Variants in CUL3 observed in about 807,000 individuals in gnomAD.
CUL3 encodes the protein cullin-3.
Under a neutral mutation model 89.1 loss-of-function variants are expected in CUL3, and 19 were observed. That is an observed-to-expected ratio of 0.21 (90% CI 0.15 to 0.31). CUL3 has a LOEUF of 0.31. CUL3 is among the 10% of genes least tolerant of loss of function. The pLI, the probability that CUL3 is intolerant of heterozygous loss-of-function variation, is 1.00. For missense variants in CUL3, 469 were observed against 942.3 expected, an observed-to-expected ratio of 0.50 and a Z score of 6.58; for synonymous variants, 351 against 308.4, an observed-to-expected ratio of 1.14 and a Z score of -1.45.
In CUL3 at chr2:224,473,083, CGAT is replaced by C. The variant is rs1691187586; in HGVS notation, c.*1159_*1161del. ...AAAGCACATGTTTGAAAACGTGAAACGATGACTCTTTGGAGGACAATAGCTAAA... is the reference window on the plus strand; with the variant it reads ...AAAGCACATGTTTGAAAACGTGAAACGACTCTTTGGAGGACAATAGCTAAA... On this transcript the variant is annotated 3_prime_UTR_variant, in exon 16 of 16. Transcript: ENST00000264414. 1.5e-5 allele frequency: 3 copies of C among 201,780 alleles called. No individual in the cohort carries two copies. The East Asian group carries it at 2.3e-4, about 16-fold the overall frequency. 12.5% of individuals were successfully genotyped at this position (201,780 alleles called of 1,614,324 possible). A position where few individuals can be genotyped will look rare whatever the true frequency, so the allele number is the denominator to read the frequency against.
At chr2:224,545,516 TCTTTG>T (rs757423345) in intron 2 of CUL3, among the ~76,000 whole-genome samples, 3 of 152,240 alleles carry the variant, frequency 2.0e-5, no homozygotes, top group Non-Finnish European at 4.4e-5. Context: ...CCATTCTTAC[TCTTTG>T]CTTTAAGTGT....
chr2:224,507,716 C>T (rs1319564128), intron 6 of CUL3, among the ~76,000 whole-genome samples: 1 of 152,016 alleles, frequency 6.6e-6, no homozygotes. Context: ...ACTCTGGATC[C>T]TATCCATTTT....
intron 2 of CUL3, among the ~76,000 whole-genome samples, chr2:224,546,230 G>T (rs1694290370): frequency 6.6e-6 from 1 of 152,044 alleles, no homozygotes; most frequent in African/African-American, 2.4e-5. Flanking sequence ...AATTAATCAG[G>T]AAAACATACA....
intron 12 of CUL3, among the ~76,000 whole-genome samples, chr2:224,496,668 A>G (rs932774358): frequency 1.3e-5 from 2 of 152,122 alleles, no homozygotes; most frequent in Admixed American, 6.5e-5. Flanking sequence ...ATGTGATCAC[A>G]GTAAGAGATC....
At chr2:224,508,489 T>A (rs1692686823) in intron 6 of CUL3, among the ~76,000 whole-genome samples, 1 of 152,216 alleles carries the variant, frequency 6.6e-6, no homozygotes, top group Non-Finnish European at 1.5e-5. Flanking sequence ...CTTGTCTATT[T>A]CAATCCTATG....
chr2:224,569,807 T>C, intron 1 of CUL3: 1 of 1,108,904 alleles, frequency 9.0e-7, no homozygotes, highest in Non-Finnish European at 1.1e-6. Flanking sequence ...TCTTTAGTCC[T>C]CTGTGAATAA....
intron 1 of CUL3, chr2:224,569,901 C>G (rs1320927454): frequency 1.8e-6 from 1 of 555,068 alleles, no homozygotes; most frequent in African/African-American, 2.4e-5. Context: ...AATGACACAG[C>G]TAGAAAAAAA....
At position 224,517,954 on chromosome 2, in the gene CUL3, C is replaced by A. The variant is rs1312486198; in HGVS notation, c.379-3182G>T. ...TTTTTCACAAGATTTTATCAATTTA[C>A]ACAATATTAATTATATATTAATAAT... On this transcript the variant is annotated intron_variant, in intron 3 of 15. Transcript: ENST00000264414. Among the ~76,000 whole-genome samples the A allele has an allele frequency of 3.9e-5, 6 of 152,114 alleles. No homozygotes were observed. The East Asian group carries it at 7.7e-4, about 20-fold the overall frequency.
At chr2:224,564,315 C>T (rs970434304) in intron 1 of CUL3, among the ~76,000 whole-genome samples, 4 of 152,078 alleles carry the variant, frequency 2.6e-5, no homozygotes, top group African/African-American at 4.8e-5. Context: ...CTTCTATCCA[C>T]GAAACTGTGG....
intron 1 of CUL3, among the ~76,000 whole-genome samples, chr2:224,571,189 C>G (rs1695172362): frequency 6.6e-6 from 1 of 152,082 alleles, no homozygotes; most frequent in South Asian, 2.1e-4. Flanking sequence ...CCAAAAAACA[C>G]AGTAGTCATC....
intron 1 of CUL3, among the ~76,000 whole-genome samples, chr2:224,559,472 AAT>A (rs1375300734): frequency 2.6e-5 from 4 of 151,848 alleles, no homozygotes; most frequent in African/African-American, 4.8e-5. Flanking sequence ...AAAAAAAAAA[AAT>A]GTCAGTTTCC....
chr2:224,578,156 C>T (rs763316104), intron 1 of CUL3, among the ~76,000 whole-genome samples: 1 of 152,144 alleles, frequency 6.6e-6, no homozygotes, highest in Non-Finnish European at 1.5e-5. Context: ...ATTCCATAAT[C>T]ATAGATGGAC....
intron 2 of CUL3, among the ~76,000 whole-genome samples, chr2:224,556,890 A>G (rs1436167581): frequency 6.6e-6 from 1 of 152,124 alleles, no homozygotes; most frequent in Non-Finnish European, 1.5e-5. Context: ...CAACTGGTGA[A>G]TCTAGGTGAA....
intron 3 of CUL3, among the ~76,000 whole-genome samples, chr2:224,519,936 A>G (rs74400966): frequency 2.0e-5 from 3 of 146,876 alleles, no homozygotes; most frequent in African/African-American, 5.0e-5. Context: ...TCCAAAAGAG[A>G]AAAAAAAAAA....
rs370319341 is a variant in CUL3 at position 224,555,894 on chromosome 2, G to A, written c.264+1765C>T. ...CACTTAATTATATAATGCCTCACAC[G>A]GTTATCTAAATGTGTGTATCATCCA... On this transcript the variant is annotated intron_variant, in intron 2 of 15. Transcript: ENST00000264414. Among the ~76,000 whole-genome samples, 122 of 152,178 alleles carry A rather than the reference G, an allele frequency of 8.0e-4. 2 individuals carry two copies. Among genetic ancestry groups the A allele is most frequent in the African/African-American group, 2.7e-3 (111 of 41,528 alleles).
chr2:224,506,640 AGAAGTTAAATG>A (rs1375828175), intron 7 of CUL3, among the ~76,000 whole-genome samples: 2 of 152,208 alleles, frequency 1.3e-5, no homozygotes, highest in African/African-American at 4.8e-5. Flanking sequence ...TCTTCATCAA[AGAAGTTAAATG>A]AAAAGTAGCA....
chr2:224,542,498 TG>T (rs1694147750), intron 2 of CUL3, among the ~76,000 whole-genome samples: 1 of 85,082 alleles, frequency 1.2e-5, no homozygotes, highest in Non-Finnish European at 2.4e-5. Flanking sequence ...TGGCTTTTTG[TG>T]TGTGTGTGTG....
At chr2:224,508,149 C>T (rs1376243025) in intron 6 of CUL3, among the ~76,000 whole-genome samples, 1 of 150,512 alleles carries the variant, frequency 6.6e-6, no homozygotes, top group African/African-American at 2.5e-5. Flanking sequence ...GTGCACCAGG[C>T]AGGCCCTAAT....
intron 10 of CUL3, among the ~76,000 whole-genome samples, chr2:224,501,534 C>T (rs1428241861): frequency 6.6e-6 from 1 of 152,006 alleles, no homozygotes; most frequent in Non-Finnish European, 1.5e-5. Context: ...TTTATCTTAC[C>T]TCAATGATTT....
Sources: allele counts gnomAD v4.1 joint callset (sites outside exome capture counted in the v4.1 genomes callset), GRCh38; gene constraint gnomAD v4.1.1; transcripts MANE v1.5; gene names NCBI Gene and HGNC (gene_info 2026-07-23, HGNC 2026-07-21).